ARAP3: variants seen among roughly 807,000 people sequenced by gnomAD.
ARAP3 encodes the protein arf-GAP with Rho-GAP domain, ANK repeat and PH domain-containing protein 3.
In ARAP3, 82 loss-of-function variants were observed where a neutral mutation model predicts 169.2. The ratio of observed to expected loss-of-function variants is 0.48; its 90% CI spans 0.41 to 0.58. The LOEUF is 0.58. ARAP3 is among the 20% of genes least tolerant of loss of function. The pLI is 0.00. For synonymous variants in ARAP3, 791 were observed against 800.3 expected, an observed-to-expected ratio of 0.99 and a Z score of 0.20; for missense variants, 1,764 against 2,018.0, an observed-to-expected ratio of 0.87 and a Z score of 2.41.
intron 19 of ARAP3, among the ~76,000 whole-genome samples, 200 bp from the exon 20 acceptor site, chr5:141,662,455 T>C (rs76217096): frequency 6.6e-6 from 1 of 152,218 alleles, no homozygotes; most frequent in African/African-American, 2.4e-5. Context: ...CTGACCTCAC[T>C]GTCACAAGTA....
At position 141,669,928 on chromosome 5, in the gene ARAP3, C is replaced by T; in HGVS notation, c.2243G>A (p.Gly748Asp). The change falls in exon 15 of 33, where the codon GGT becomes GAT. Residue 748 changes from glycine (G) to aspartate (D), a missense_variant. Gly to Asp is a moderately conservative substitution (Grantham distance 94, BLOSUM62 -1). Around this residue, in one of 3 missense-constraint regions of ARAP3, gnomAD observed 1,112 missense variants for 1,285.7 expected, o/e 0.86. Transcript: ENST00000239440. ...LGVSPPPTDPGDRFPFSFELI... is the reference protein window; with the variant it reads ...LGVSPPPTDPDDRFPFSFELI... ...GTCACAGAAGGGCTATTACCTGTCA[C>T]CTGGGTCAGTGGGTGGGGGGCTCAC... 2 of 1,602,048 alleles carry T rather than the reference C, an allele frequency of 1.2e-6. No individual in the cohort carries two copies. Among genetic ancestry groups the T allele is most frequent in the African/African-American group, 1.3e-5 (1 of 74,322 alleles).
intron 18 of ARAP3, 112 bp from the exon 19 acceptor site, chr5:141,665,197 T>A (rs546546194): frequency 1.3e-6 from 2 of 1,564,496 alleles, no homozygotes; most frequent in East Asian, 2.2e-5. Flanking sequence ...CAAATCATCC[T>A]GGAGCAAGGG....
In ARAP3 at chr5:141,680,029, T is replaced by C; in HGVS notation, c.458A>G (p.Glu153Gly). The C allele has an allele frequency of 6.2e-7, 1 of 1,614,126 alleles. No homozygotes were observed. Among genetic ancestry groups the C allele is most frequent in the Non-Finnish European group, 8.5e-7 (1 of 1,180,032 alleles). Residue 153 changes from glutamate (E) to glycine (G), a missense_variant, in exon 2 of 33, where the codon GAG (glutamate) becomes GGG (glycine). By Grantham distance (98) the Glu-to-Gly change is moderately conservative. Around this residue, in one of 3 missense-constraint regions of ARAP3, gnomAD observed 630 missense variants for 678.7 expected, o/e 0.93. Transcript: ENST00000239440. ...GAAGTAGATGGAATTAGGCATCATCTCCACAGTATTTAGGGCTGAAGACTG... is the reference window on the plus strand; with the variant it reads ...GAAGTAGATGGAATTAGGCATCATCCCCACAGTATTTAGGGCTGAAGACTG... ...SEQSSALNTV[E>G]MMPNSIYFGL...
chr5:141,680,606 C>G, intron 1 of ARAP3, 103 bp from the exon 2 acceptor site: 1 of 1,425,266 alleles, frequency 7.0e-7, no homozygotes, highest in Non-Finnish European at 9.2e-7. Context: ...CAATCTTCCT[C>G]CAAAGAAAGA....
At position 141,672,901 on chromosome 5, in the gene ARAP3, G is replaced by T; in HGVS notation, c.1118C>A (p.Thr373Lys). The change falls in exon 8 of 33, where the codon ACG becomes AAG. Residue 373 changes from threonine (T) to lysine (K), a missense_variant. Thr to Lys is a moderately conservative substitution (Grantham distance 78). Coordinates refer to ENST00000239440, the MANE Select transcript of ARAP3 (RefSeq NM_022481.6). This position sits in a 1 kb window ranked among gnomAD's most constrained non-coding sequence, Gnocchi z 4.9. ...SEAQRDMWCS[T>K]LQSCLKEQRL... The stretch of plus-strand genomic sequence containing the variant: ...CTGCTCCTTCAGACAGGACTGCAGC[G>T]TGGAGCACCACATGTCCCGCTGAGC... 1.2e-6 allele frequency: 2 copies of T among 1,609,946 alleles called. No homozygotes were observed. The highest frequency in any genetic ancestry group is 1.3e-5 in the African/African-American group (1 of 74,990).
chr5:141,666,413 T>TC lies in ARAP3; in HGVS notation c.2572+10dup, dbSNP rs1471402136. On this transcript the variant is annotated intron_variant, in intron 17 of 32. Transcript: ENST00000239440. ...CCCTTCATCCCTGTCCCCCCAAACC[T>TC]CCCCGCTTACTGATCTCCTGTAGCC... 1.3e-6 allele frequency: 2 copies of TC among 1,551,086 alleles called. No homozygotes were observed. The highest frequency in any genetic ancestry group is 2.8e-5 in the African/African-American group (2 of 72,282).
At chr5:141,655,584 G>A (rs529010789) in intron 31 of ARAP3, 37 bp downstream of exon 31, 22 of 1,613,432 alleles carry the variant, frequency 1.4e-5, no homozygotes, top group East Asian at 6.7e-5. Context: ...AGGGCTACAC[G>A]ACAGGAATCG....
chr5:141,675,357 T>A (rs2099912026), intron 4 of ARAP3, among the ~76,000 whole-genome samples: 1 of 152,034 alleles, frequency 6.6e-6, no homozygotes, highest in South Asian at 2.1e-4. Flanking sequence ...GACACTTAAA[T>A]GTGAATCTCT....
chr5:141,666,146 T>C (rs2099910617), intron 17 of ARAP3, among the ~76,000 whole-genome samples: 1 of 152,108 alleles, frequency 6.6e-6, no homozygotes, highest in South Asian at 2.1e-4. Context: ...ATTACCCTAT[T>C]TGAACCTCAC....
intron 16 of ARAP3, among the ~76,000 whole-genome samples, chr5:141,667,956 C>A (rs1199112896): frequency 6.6e-6 from 1 of 151,704 alleles, no homozygotes; most frequent in Non-Finnish European, 1.5e-5. Context: ...GCAAGAGAAT[C>A]GCTTGAACCC....
intron 32 of ARAP3, 103 bp downstream of exon 32, chr5:141,655,259 C>CACACACACACACACACACA (rs376664795): frequency 6.7e-6 from 8 of 1,191,158 alleles, no homozygotes; most frequent in Middle Eastern, 2.0e-4. Flanking sequence ...CACACACACA[C>CACACACACACACACACACA]CCCCTGATGG....
Position 141,672,790 on chromosome 5 carries a change from A to G in ARAP3, c.1229T>C (p.Val410Ala). The change falls in exon 8 of 33, where the codon GTG becomes GCG. Residue 410 changes from valine (V) to alanine (A), a missense_variant. Around this residue, in one of 3 missense-constraint regions of ARAP3, gnomAD observed 630 missense variants for 678.7 expected, o/e 0.93. Coordinates refer to ENST00000239440, the MANE Select transcript of ARAP3 (RefSeq NM_022481.6). The surrounding 1 kb of genome is among the most constrained non-coding windows in gnomAD (Gnocchi z 4.9). ...CTCTCCAGGGCTCAAGGCAGCAAAC[A>G]CCTTGGCCTTGTGTCCACGCAGCTC... ...MLELRGHKAKVFAALSPGELA... is the reference protein window; with the variant it reads ...MLELRGHKAKAFAALSPGELA... 1 of 1,477,924 alleles carries G rather than the reference A, an allele frequency of 6.8e-7. No individual in the cohort carries two copies. Among genetic ancestry groups the G allele is most frequent in the Non-Finnish European group, 9.1e-7 (1 of 1,098,998 alleles). The allele number at this position is 1,477,924 out of a possible 1,614,324, so 91.6% of individuals were successfully genotyped here.
Position 141,658,562 on chromosome 5 carries a change from G to C in ARAP3, c.3411+17C>G, listed in dbSNP as rs781491574. ...TCACTATCCTCTTATTTCCCCTCCA[G>C]TCCCCTCAGGACCAACCTTCAGGGT... On this transcript the variant is annotated intron_variant, in intron 24 of 32. Transcript: ENST00000239440. 6.2e-7 allele frequency: 1 copy of C among 1,614,004 alleles called. No individual in the cohort carries two copies.
chr5:141,659,648 G>A (rs935109516), intron 22 of ARAP3, 131 bp downstream of exon 22: 11 of 1,376,524 alleles, frequency 8.0e-6, no homozygotes, highest in Non-Finnish European at 1.1e-5. Context: ...GGCTCTGGGA[G>A]GTAGTTCCTG....
rs761569884 is a variant in ARAP3 at position 141,673,022 on chromosome 5, CTG to C, written c.1082_1083del (p.Thr361ArgfsTer64). 8 of 1,614,230 alleles carry C rather than the reference CTG, an allele frequency of 5.0e-6. No individual in the cohort carries two copies. The highest frequency in any genetic ancestry group is 1.7e-6 in the Non-Finnish European group (2 of 1,180,040). On this transcript the variant is annotated frameshift_variant, in exon 7 of 33. Coordinates refer to ENST00000239440, the MANE Select transcript of ARAP3 (RefSeq NM_022481.6). LOFTEE classifies it high-confidence loss of function. ...ITGQRVFVFR[T>X]ESEAQRDMWC... is the part of the protein sequence containing the mutation. ...GGGCTGTGGCCCTCACCCTCGCTCT[CTG>C]TGCGGAACACGAACACCCTCTGGCC...
chr5:141,662,397 T>C (rs772372447), intron 19 of ARAP3, 142 bp from the exon 20 acceptor site: 124 of 787,564 alleles, frequency 1.6e-4, no homozygotes, highest in Non-Finnish European at 2.3e-4. Flanking sequence ...CTCCATGTTC[T>C]TGATTCTCAG....
rs762631922 is a variant in ARAP3 at position 141,656,512 on chromosome 5, CCTT to C, written c.3778_3780del (p.Lys1260del). The stretch of plus-strand genomic sequence containing the variant: ...TGGCCCCAGGGCCTCACTTTCTTCT[CCTT>C]GAGCAGCAGCAGGCAGCGGCCACGC... On this transcript the variant is annotated inframe_deletion, in exon 27 of 33. Transcript: ENST00000239440. 1.3e-4 allele frequency: 213 copies of C among 1,611,792 alleles called. No homozygotes were observed. The highest frequency in any genetic ancestry group is 1.8e-4 in the Non-Finnish European group (211 of 1,179,026).
rs1351332294 is a variant in ARAP3, at chr5:141,671,911, C to G, written c.1655G>C (p.Ser552Thr). The G allele has an allele frequency of 6.2e-7, 1 of 1,614,196 alleles. No individual in the cohort carries two copies. Residue 552 changes from serine to threonine, a missense_variant, in exon 11 of 33, where the codon AGT becomes ACT. Ser to Thr is a moderately conservative substitution (Grantham distance 58, BLOSUM62 1). Transcript: ENST00000239440. This position sits in a 1 kb window ranked among gnomAD's most constrained non-coding sequence, Gnocchi z 4.9. ...CCCGCTCACCTGTACTATCTCATTA[C>G]TCCAGACACTCGTGTCCAGCTTCAG... The part of the protein sequence containing the change: ...QSLKLDTSVW[S>T]NEIVQLFIVL...
rs770781425 is a variant in ARAP3 at position 141,665,042 on chromosome 5, A to G, written c.2680T>C (p.Trp894Arg). 1 of 1,613,890 alleles carries G rather than the reference A, an allele frequency of 6.2e-7. No homozygotes were observed. Among genetic ancestry groups the G allele is most frequent in the Non-Finnish European group, 8.5e-7 (1 of 1,179,920 alleles). Reference protein sequence around the residue: ...QGEGRLDFTAWNAAIGGAAGG... With the variant: ...QGEGRLDFTARNAAIGGAAGG... ...GCCGCGCCCCCAATGGCTGCGTTCC[A>G]TGCCGTGAAGTCCAGCCGGCCCTCT... is the stretch of plus-strand genomic sequence containing the variant. Residue 894 changes from tryptophan to arginine, a missense_variant, in exon 19 of 33, where the codon TGG becomes CGG. Around this residue, in one of 3 missense-constraint regions of ARAP3, gnomAD observed 1,112 missense variants for 1,285.7 expected, o/e 0.86. Transcript: ENST00000239440.
Sources: gnomAD v4.1 joint callset for allele counts (sites outside exome capture counted in the v4.1 genomes callset) on GRCh38, gnomAD v4.1.1 for gene constraint, gnomAD v4.1.1 regional missense constraint, Gnocchi (gnomAD v3.1) non-coding constraint, MANE v1.5 for transcripts, NCBI Gene and HGNC (gene_info 2026-07-23, HGNC 2026-07-21) for gene names.